Variants in RBFOX1 observed in about 807,000 individuals in gnomAD.
RBFOX1 encodes RNA binding protein fox-1 homolog 1.
RBFOX1 carries 8 observed loss-of-function variants against 57.7 expected under a neutral mutation model. The observed-to-expected ratio is 0.14, with a 90% CI of 0.08 to 0.25. The LOEUF (loss-of-function observed/expected upper bound fraction) is 0.25. RBFOX1 is among the 10% of genes least tolerant of loss of function. The pLI is 1.00. For missense variants in RBFOX1, 611 were observed against 548.5 expected (o/e 1.11, Z -1.14); for synonymous variants, 326 against 222.4 (o/e 1.47, Z -4.15).
At chr16:5,459,101 T>C (rs2151589717) in intron 1 of RBFOX1, among the ~76,000 whole-genome samples, 1 of 152,350 alleles carries the variant, frequency 6.6e-6, no homozygotes, top group South Asian at 2.1e-4. Flanking sequence ...CCCTGGCCTC[T>C]TGGTGACTCT....
At chr16:6,212,144 C>T (rs1251999326) in intron 1 of RBFOX1, among the ~76,000 whole-genome samples, 1 of 152,082 alleles carries the variant, frequency 6.6e-6, no homozygotes, top group East Asian at 1.9e-4. Context: ...AGGTATGAGC[C>T]ACTGTCCTCG....
chr16:7,501,851 A>G (rs2070999249), intron 4 of RBFOX1, among the ~76,000 whole-genome samples: 2 of 152,144 alleles, frequency 1.3e-5, no homozygotes, highest in South Asian at 4.1e-4. Flanking sequence ...TCTCTAGGCT[A>G]TTCTATGACT....
chr16:7,323,597 G>A (rs2096573520), intron 4 of RBFOX1, among the ~76,000 whole-genome samples: 3 of 152,158 alleles, frequency 2.0e-5, no homozygotes, highest in South Asian at 2.1e-4. Flanking sequence ...CTAACTCTAC[G>A]GCCTTGGCCA....
intron 1 of RBFOX1, among the ~76,000 whole-genome samples, chr16:6,256,139 GTGTGTATATATATA>G (rs2097659899): frequency 4.4e-5 from 1 of 22,798 alleles, no homozygotes; most frequent in East Asian, 2.8e-3. Flanking sequence ...ATATATATAT[GTGTGTATATATATA>G]TATATGTATA....
At chr16:7,368,973 A>G (rs995700085) in intron 4 of RBFOX1, among the ~76,000 whole-genome samples, 58 of 152,134 alleles carry the variant, frequency 3.8e-4, no homozygotes, top group African/African-American at 4.3e-4. Context: ...TTTTAACACA[A>G]TGATCCTGCA....
Position 7,669,860 on chromosome 16 carries a change from A to T in RBFOX1, c.930+4892A>T, listed in dbSNP as rs141937321. Among the ~76,000 whole-genome samples the T allele has an allele frequency of 5.3e-5, 8 of 152,218 alleles. No homozygotes were observed. In the East Asian group the frequency reaches 1.2e-3, roughly 22 times the overall value. The stretch of plus-strand genomic sequence containing the variant: ...TGAGGTGGCTGAGGATTGGCATTTG[A>T]CTTGCCGTCCGCAGTCACCATAGTG... On this transcript the variant is annotated intron_variant, in intron 13 of 15. Transcript: ENST00000550418.
intron 3 of RBFOX1, among the ~76,000 whole-genome samples, chr16:6,721,519 G>A (rs1349566462): frequency 1.3e-5 from 2 of 152,068 alleles, no homozygotes; most frequent in Admixed American, 1.3e-4. Flanking sequence ...TCATATTTTT[G>A]TATAACCAAT....
At chr16:5,327,226 G>A (rs2064602690) in intron 1 of RBFOX1, among the ~76,000 whole-genome samples, 1 of 151,776 alleles carries the variant, frequency 6.6e-6, no homozygotes, top group Non-Finnish European at 1.5e-5. Flanking sequence ...GTGGAGACCT[G>A]TGAAACTGGC....
At chr16:7,117,188 G>A (rs1252765405) in intron 4 of RBFOX1, among the ~76,000 whole-genome samples, 1 of 152,158 alleles carries the variant, frequency 6.6e-6, no homozygotes, top group Non-Finnish European at 1.5e-5. Context: ...CAGGTTGGAA[G>A]ACTAGCTAAG....
At chr16:5,555,577 A>G (rs1214759968) in intron 2 of RBFOX1, among the ~76,000 whole-genome samples, 1 of 152,136 alleles carries the variant, frequency 6.6e-6, no homozygotes, top group Non-Finnish European at 1.5e-5. Flanking sequence ...TGGCAAAACC[A>G]CAATTACTTT....
At chr16:7,365,498 C>T (rs1194667007) in intron 4 of RBFOX1, among the ~76,000 whole-genome samples, 1 of 152,180 alleles carries the variant, frequency 6.6e-6, no homozygotes, top group African/African-American at 2.4e-5. Context: ...TTCCCCCCCA[C>T]AGGGAACATT....
intron 4 of RBFOX1, among the ~76,000 whole-genome samples, chr16:7,321,053 ATCTATCTATCTG>A (rs761348634): frequency 1.7e-4 from 21 of 121,134 alleles, no homozygotes; most frequent in Non-Finnish European, 3.1e-4. Context: ...CAGAGAAATT[ATCTATCTATCTG>A]TCTATCTATA....
At chr16:6,486,192 A>G (rs762800642) in intron 2 of RBFOX1, among the ~76,000 whole-genome samples, 6 of 144,566 alleles carry the variant, frequency 4.2e-5, no homozygotes, top group Non-Finnish European at 7.5e-5. Context: ...GGTGTATATG[A>G]CTTTTGTTTT....
At chr16:6,327,398 T>C (rs1225001169) in intron 2 of RBFOX1, among the ~76,000 whole-genome samples, 2 of 152,170 alleles carry the variant, frequency 1.3e-5, no homozygotes, top group Admixed American at 1.3e-4. Context: ...TTTTCATCTT[T>C]GGGATAAGTG....
intron 2 of RBFOX1, among the ~76,000 whole-genome samples, chr16:6,395,249 A>T (rs2092776253): frequency 6.6e-6 from 1 of 152,228 alleles, no homozygotes; most frequent in Non-Finnish European, 1.5e-5. Flanking sequence ...CCATTAAACG[A>T]ATGCGTTTTT....
chr16:5,265,917 T>C (rs1315969970), intron 1 of RBFOX1, among the ~76,000 whole-genome samples: 1 of 152,112 alleles, frequency 6.6e-6, no homozygotes, highest in African/African-American at 2.4e-5. Context: ...AAAATTCCCA[T>C]GTGAATCTCA....
At chr16:6,990,198 C>T (rs1220533834) in intron 3 of RBFOX1, among the ~76,000 whole-genome samples, 1 of 152,154 alleles carries the variant, frequency 6.6e-6, no homozygotes. Context: ...TGGCAACTCT[C>T]AATTTTGGAT....
intron 3 of RBFOX1, among the ~76,000 whole-genome samples, chr16:6,786,914 A>C (rs1419263745): frequency 6.6e-6 from 1 of 152,158 alleles, no homozygotes; most frequent in Non-Finnish European, 1.5e-5. Flanking sequence ...CTTTTAAAAA[A>C]AAAAAGGCTT....
chr16:7,414,866 C>T (rs1427507629), intron 4 of RBFOX1, among the ~76,000 whole-genome samples: 2 of 152,194 alleles, frequency 1.3e-5, no homozygotes, highest in African/African-American at 4.8e-5. Flanking sequence ...GATCCGTTTC[C>T]TTCAGCCTTC....
Sources: allele counts gnomAD v4.1 joint callset (sites outside exome capture counted in the v4.1 genomes callset), GRCh38; gene constraint gnomAD v4.1.1; transcripts MANE v1.5; gene names NCBI Gene and HGNC (gene_info 2026-07-23, HGNC 2026-07-21).